CIAO2B: variants seen among roughly 807,000 people sequenced by gnomAD.
The protein encoded by CIAO2B is MSS19-interacting protein of 18 kDa.
In CIAO2B, 20 loss-of-function variants were observed where a neutral mutation model predicts 16.4. That is an observed-to-expected ratio of 1.22 (90% CI 0.86 to 1.77). The LOEUF is 1.77. Ranked by LOEUF, CIAO2B falls within the 40% of genes most tolerant of loss-of-function variation. The pLI is 0.00. For synonymous variants in CIAO2B, 106 were observed against 90.4 expected (o/e 1.17, Z -0.98); for missense variants, 215 against 222.4 (o/e 0.97, Z 0.21).
At chr16:66,933,917 C>G (rs1819464566) in intron 2 of CIAO2B, 70 bp downstream of exon 2, 1 of 1,590,030 alleles carries the variant, frequency 6.3e-7, no homozygotes, top group Non-Finnish European at 8.6e-7. Flanking sequence ...GCATAGAGCA[C>G]GCCAGCTCCT....
At chr16:66,932,519 C>A (rs1963073591) in intron 4 of CIAO2B, 2 of 718,446 alleles carry the variant, frequency 2.8e-6, no homozygotes, top group African/African-American at 1.7e-5. Flanking sequence ...CTGGCTGCCT[C>A]CTGCGCTGCT....
chr16:66,933,269 G>A (rs1385651347), intron 3 of CIAO2B, among the ~76,000 whole-genome samples: 2 of 152,078 alleles, frequency 1.3e-5, no homozygotes, highest in Non-Finnish European at 2.9e-5. Flanking sequence ...GATTACAGGC[G>A]TGAGCCACCG....
chr16:66,932,632 G>T, intron 4 of CIAO2B, 148 bp downstream of exon 4: 1 of 949,730 alleles, frequency 1.1e-6, no homozygotes, highest in Non-Finnish European at 1.7e-6. Context: ...TTCGGTCTAG[G>T]CTATAACCCA....
At chr16:66,933,943 TTC>T (rs1397453891) in intron 2 of CIAO2B, 42 bp downstream of exon 2, 1 of 1,609,158 alleles carries the variant, frequency 6.2e-7, no homozygotes, top group South Asian at 1.1e-5. Flanking sequence ...ACAGAAACCT[TTC>T]TGACTCTCTG....
In CIAO2B at chr16:66,934,317, G is replaced by C. The variant is rs759405706; in HGVS notation, c.48C>G (p.Asn16Lys). Residue 16 changes from asparagine (N) to lysine (K), a missense_variant, in exon 1 of 5, where the codon AAC (asparagine) becomes AAG (lysine). Physicochemically the swap from Asn to Lys is moderately conservative, Grantham distance 94 (BLOSUM62 0). Coordinates refer to ENST00000422424, the MANE Select transcript of CIAO2B (RefSeq NM_016062.4). The surrounding 1 kb of genome is among the most constrained non-coding windows in gnomAD (Gnocchi z 4.1). ...GVGGGLLENANPLIYQRSGER... is the reference protein window; with the variant it reads ...GVGGGLLENAKPLIYQRSGER... Reference sequence around the variant, plus strand: ...CCCCAGAGCGCTGGTAGATGAGGGGGTTGGCATTCTCCAGGAGGCCGCCGC... The same window carrying C: ...CCCCAGAGCGCTGGTAGATGAGGGGCTTGGCATTCTCCAGGAGGCCGCCGC... The C allele has an allele frequency of 1.2e-6, 2 of 1,602,754 alleles. No individual in the cohort carries two copies. Among genetic ancestry groups the C allele is most frequent in the African/African-American group, 1.3e-5 (1 of 74,828 alleles).
intron 3 of CIAO2B, 77 bp from the exon 4 acceptor site, chr16:66,932,902 C>T: frequency 6.7e-7 from 1 of 1,489,624 alleles, no homozygotes; most frequent in East Asian, 2.4e-5. Flanking sequence ...GACCCTCAGG[C>T]ACCATCTCCA....
chr16:66,933,427 T>C (rs1963101766), intron 3 of CIAO2B, 187 bp downstream of exon 3: 2 of 830,730 alleles, frequency 2.4e-6, no homozygotes, highest in Non-Finnish European at 3.6e-6. Flanking sequence ...TTTCTCCACT[T>C]TCCAGCTCAG....
chr16:66,932,329 C>A (rs765896066), intron 4 of CIAO2B, 29 bp from the exon 5 acceptor site: 102 of 1,588,998 alleles, frequency 6.4e-5, no homozygotes, highest in Non-Finnish European at 8.7e-5. Flanking sequence ...GTGGGGAAGG[C>A]AGAGTCAAAG....
At position 66,933,743 on chromosome 16, in the gene CIAO2B, G is replaced by A. The variant is rs745848779; in HGVS notation, c.223-4C>T. The A allele has an allele frequency of 6.5e-7, 1 of 1,541,532 alleles. No individual in the cohort carries two copies. Among genetic ancestry groups the A allele is most frequent in the South Asian group, 1.2e-5 (1 of 83,010 alleles). On this transcript the variant is annotated splice_region_variant and splice_polypyrimidine_tract_variant and intron_variant, in intron 2 of 4. Coordinates refer to ENST00000422424, the MANE Select transcript of CIAO2B (RefSeq NM_016062.4). Reference sequence around the variant, plus strand: ...CTGTACTCTCGGGGTCGCTAACCTGGTTGTGGAGGAGAGATGTCAAGAGTC... The same window carrying A: ...CTGTACTCTCGGGGTCGCTAACCTGATTGTGGAGGAGAGATGTCAAGAGTC...
intron 3 of CIAO2B, 135 bp downstream of exon 3, chr16:66,933,479 G>C: frequency 8.4e-7 from 1 of 1,195,634 alleles, no homozygotes; most frequent in Non-Finnish European, 1.1e-6. Context: ...CTTCCTCCCA[G>C]TTTCCTCTCT....
chr16:66,933,735 C>A lies in CIAO2B; in HGVS notation c.227G>T (p.Ser76Ile). ...NVVEQVRVQV[S>I]DPESTVAVAF... ...CACAGCCACTGTACTCTCGGGGTCG[C>A]TAACCTGGTTGTGGAGGAGAGATGT... The change falls in exon 3 of 5, where the codon AGC becomes ATC. Residue 76 changes from serine (S) to isoleucine (I), a missense_variant. Ser to Ile is a moderately radical substitution (Grantham distance 142). Transcript: ENST00000422424. 1 of 1,548,098 alleles carries A rather than the reference C, an allele frequency of 6.5e-7. No homozygotes were observed. The highest frequency in any genetic ancestry group is 8.7e-7 in the Non-Finnish European group (1 of 1,145,302).
At position 66,933,971 on chromosome 16, in the gene CIAO2B, C is replaced by T. The variant is rs765450977; in HGVS notation, c.222+16G>A. On this transcript the variant is annotated intron_variant, in intron 2 of 4. Transcript: ENST00000422424. ...TGACTCTCTGGAACAACTCGCTCCCCTCGGAAGTGACTCACCTGAACCCGC... is the reference window on the plus strand; with the variant it reads ...TGACTCTCTGGAACAACTCGCTCCCTTCGGAAGTGACTCACCTGAACCCGC... 8.1e-6 allele frequency: 13 copies of T among 1,613,344 alleles called. No homozygotes were observed. The South Asian group carries it at 1.4e-4, about 18-fold the overall frequency.
Position 66,934,119 on chromosome 16 carries a change from GCCAGGAACGCCC to G in CIAO2B, c.143-65_143-54del. ...CGCCCTTGCCCACTTAGAACCCTCT[GCCAGGAACGCCC>G]TGCTGGGATGCGGCTCCACCAGCTG... On this transcript the variant is annotated intron_variant, in intron 1 of 4. Coordinates refer to ENST00000422424, the MANE Select transcript of CIAO2B (RefSeq NM_016062.4). The surrounding 1 kb of genome is among the most constrained non-coding windows in gnomAD (Gnocchi z 4.1). 3.1e-6 allele frequency: 5 copies of G among 1,611,744 alleles called. No individual in the cohort carries two copies. Among genetic ancestry groups the G allele is most frequent in the Non-Finnish European group, 4.2e-6 (5 of 1,179,102 alleles).
At chr16:66,933,577 T>C (rs1472768096) in intron 3 of CIAO2B, 37 bp downstream of exon 3, 1 of 1,602,722 alleles carries the variant, frequency 6.2e-7, no homozygotes, top group East Asian at 2.2e-5. Context: ...AGACCCTCAA[T>C]GCCTGGTCTC....
intron 4 of CIAO2B, 174 bp downstream of exon 4, chr16:66,932,606 G>C: frequency 3.8e-6 from 3 of 791,162 alleles, no homozygotes; most frequent in Non-Finnish European, 6.6e-6. Flanking sequence ...GCAAAGGAGA[G>C]TCTTCTCAGG....
intron 3 of CIAO2B, 50 bp from the exon 4 acceptor site, chr16:66,932,875 T>A: frequency 6.3e-7 from 1 of 1,597,202 alleles, no homozygotes; most frequent in African/African-American, 1.3e-5. Flanking sequence ...GACCCACACT[T>A]TTCCCTGCAG....
At position 66,934,386 on chromosome 16, in the gene CIAO2B, C is replaced by T. The variant is rs1350193534; in HGVS notation, c.-22G>A. 7 of 1,515,888 alleles carry T rather than the reference C, an allele frequency of 4.6e-6. No individual in the cohort carries two copies. The South Asian group carries it at 7.5e-5, about 16-fold the overall frequency. The allele number at this position is 1,515,888 out of a possible 1,614,324, so 93.9% of individuals were successfully genotyped here. ...CCATCGCGGAACCACCACCGCTGAT[C>T]CTAGCAGGCGTGCGCTTCCGCTCCA... is the stretch of plus-strand genomic sequence containing the variant. On this transcript the variant is annotated 5_prime_UTR_variant, in exon 1 of 5. Coordinates refer to ENST00000422424, the MANE Select transcript of CIAO2B (RefSeq NM_016062.4). The surrounding 1 kb of genome is among the most constrained non-coding windows in gnomAD (Gnocchi z 4.1).
intron 2 of CIAO2B, 119 bp from the exon 3 acceptor site, chr16:66,933,858 A>T (rs1963120947): frequency 6.5e-7 from 1 of 1,538,214 alleles, no homozygotes; most frequent in South Asian, 1.2e-5. Context: ...ACACCCATAA[A>T]ATAGGCACAA....
chr16:66,933,722 ACT>A lies in CIAO2B; in HGVS notation c.238_239del (p.Ser80TyrfsTer59), dbSNP rs768883208. The A allele has an allele frequency of 6.4e-7, 1 of 1,566,202 alleles. No homozygotes were observed. The highest frequency in any genetic ancestry group is 1.2e-5 in the South Asian group (1 of 85,190). On this transcript the variant is annotated frameshift_variant, in exon 3 of 5. Coordinates refer to ENST00000422424, the MANE Select transcript of CIAO2B (RefSeq NM_016062.4). LOFTEE classifies it high-confidence loss of function. Reference protein sequence around the residue: ...QVRVQVSDPESTVAVAFTPTI... With the variant: ...QVRVQVSDPEXTVAVAFTPTI... Reference sequence around the variant, plus strand: ...TTGGTGTGAAAGCCACAGCCACTGTACTCTCGGGGTCGCTAACCTGGTTGTGG... The same window carrying A: ...TTGGTGTGAAAGCCACAGCCACTGTACTCGGGGTCGCTAACCTGGTTGTGG...
Sources: gnomAD v4.1 joint callset for allele counts (sites outside exome capture counted in the v4.1 genomes callset) on GRCh38, gnomAD v4.1.1 for gene constraint, Gnocchi (gnomAD v3.1) non-coding constraint, MANE v1.5 for transcripts, NCBI Gene and HGNC (gene_info 2026-07-23, HGNC 2026-07-21) for gene names.